Variants in RPL23 observed in about 807,000 individuals in gnomAD.
RPL23 encodes large ribosomal subunit protein uL14.
For missense variants in RPL23, 79 were observed against 178.8 expected (o/e 0.44, Z 3.18); for synonymous variants, 63 against 65.3 (o/e 0.97, Z 0.17).
chr17:38,853,413 C>T (rs1208009792), intron 1 of RPL23: 1 of 714,602 alleles, frequency 1.4e-6, no homozygotes. Flanking sequence ...GTCGCGCAAA[C>T]CAGGGCCTAA....
At chr17:38,853,491 AT>A in intron 1 of RPL23, 1 of 726,896 alleles carries the variant, frequency 1.4e-6, no homozygotes, top group South Asian at 1.5e-5. Flanking sequence ...TCCAGACTAC[AT>A]TCACGTCGGG....
At chr17:38,852,037 T>C (rs1173143805) in intron 3 of RPL23, 1 of 152,020 alleles carries the variant, frequency 6.6e-6, no homozygotes, top group African/African-American at 2.4e-5. Context: ...ACAGGAAAAA[T>C]TTTGAGTGGG....
In RPL23 at chr17:38,847,971, C is replaced by T; in HGVS notation, c.*2161G>A. ...TGTAATTGCAGCCCTTTGAAGGCCA[C>T]AGCAGGAGGATTCCAAGTCCAGCAG... On this transcript the variant is annotated 3_prime_UTR_variant, in exon 5 of 5. Transcript: ENST00000479035. 6.5e-7 allele frequency: 1 copy of T among 1,549,872 alleles called. No homozygotes were observed. The highest frequency in any genetic ancestry group is 8.7e-7 in the Non-Finnish European group (1 of 1,146,686).
chr17:38,852,746 T>C lies in RPL23; in HGVS notation c.98-14A>G, dbSNP rs777125006. 3.1e-6 allele frequency: 5 copies of C among 1,613,752 alleles called. No individual in the cohort carries two copies. In the Admixed American group the frequency reaches 5.0e-5, roughly 16 times the overall value. On this transcript the variant is annotated splice_polypyrimidine_tract_variant and intron_variant, in intron 2 of 4. Transcript: ENST00000479035. Reference sequence around the variant, plus strand: ...GGTTTTTGGCTCCTACAAAAGAATGTAAATAAAAATAAAAAATGTTGAGGG... The same window carrying C: ...GGTTTTTGGCTCCTACAAAAGAATGCAAATAAAAATAAAAAATGTTGAGGG...
chr17:38,849,329 ATCTT>A lies in RPL23; in HGVS notation c.*799_*802del, dbSNP rs1420479252. ...TGTCCAGGATCTAACTATATAGTCT[ATCTT>A]AACTTCAATGCCTTTTTTTGGGGCG... On this transcript the variant is annotated 3_prime_UTR_variant, in exon 5 of 5. Transcript: ENST00000479035. 1 of 137,262 alleles carries A rather than the reference ATCTT, an allele frequency of 7.3e-6. No homozygotes were observed. The allele number at this position is 137,262 out of a possible 1,614,324, so 8.5% of individuals were successfully genotyped here.
chr17:38,851,631 T>A (rs983653462), intron 3 of RPL23: 6 of 152,212 alleles, frequency 3.9e-5, no homozygotes, highest in Non-Finnish European at 7.3e-5. Flanking sequence ...GGGCCACCAA[T>A]CAGACCCAGG....
intron 2 of RPL23, 145 bp from the exon 3 acceptor site, chr17:38,852,877 C>T: frequency 7.3e-7 from 1 of 1,375,626 alleles, no homozygotes; most frequent in Non-Finnish European, 1.0e-6. Context: ...GTCACACCAC[C>T]GATTGAAGCA....
Position 38,850,171 on chromosome 17 carries a change from C to T in RPL23, c.384G>A (p.Leu128=), listed in dbSNP as rs1332336815. The T allele has an allele frequency of 6.2e-7, 1 of 1,607,294 alleles. No individual in the cohort carries two copies. Among genetic ancestry groups the T allele is most frequent in the African/African-American group, 1.3e-5 (1 of 74,436 alleles). ...TGPVAKECAD[L]WPRIASNAGS... Reference sequence around the variant, plus strand: ...CAGCATTGGATGCAATCCGGGGCCACAAGTCTGCACACTCCTTTGCTACTG... The same window carrying T: ...CAGCATTGGATGCAATCCGGGGCCATAAGTCTGCACACTCCTTTGCTACTG... The change falls in exon 5 of 5, where the codon TTG becomes TTA. Residue 128 remains leucine (L), a synonymous_variant. Coordinates refer to ENST00000479035, the MANE Select transcript of RPL23 (RefSeq NM_000978.4).
chr17:38,853,241 A>C, intron 1 of RPL23, 136 bp from the exon 2 acceptor site: 1 of 722,914 alleles, frequency 1.4e-6, no homozygotes, highest in Non-Finnish European at 2.4e-6. Flanking sequence ...GCTCGCTCGG[A>C]TTTTACTTAT....
chr17:38,853,443 C>T, intron 1 of RPL23: 1 of 717,354 alleles, frequency 1.4e-6, no homozygotes, highest in South Asian at 1.5e-5. Context: ...ACTTCAACCC[C>T]ATTACGATAG....
rs563774103 is a variant in RPL23 at position 38,848,297 on chromosome 17, C to T, written c.*1835G>A. 5.2e-5 allele frequency: 17 copies of T among 327,042 alleles called. No individual in the cohort carries two copies. The highest frequency in any genetic ancestry group is 2.6e-4 in the African/African-American group (12 of 46,516). The allele number at this position is 327,042 out of a possible 1,614,324, so 20.3% of individuals were successfully genotyped here. A position where few individuals can be genotyped will look rare whatever the true frequency, so the allele number is the denominator to read the frequency against. On this transcript the variant is annotated 3_prime_UTR_variant, in exon 5 of 5. Coordinates refer to ENST00000479035, the MANE Select transcript of RPL23 (RefSeq NM_000978.4). The stretch of plus-strand genomic sequence containing the variant: ...CTGGTTGCCCAGGCTGGAGCACAAT[C>T]GTGCGACCTCAGCTCACTGCAACCT...
rs1470638998 is a variant in RPL23 at position 38,848,711 on chromosome 17, T to C, written c.*1421A>G. The C allele has an allele frequency of 6.6e-6, 1 of 152,114 alleles. No homozygotes were observed. Among genetic ancestry groups the C allele is most frequent in the East Asian group, 1.9e-4 (1 of 5,134 alleles). The allele number at this position is 152,114 out of a possible 1,614,324, so 9.4% of individuals were successfully genotyped here. ...GGAAACATTTTCAAAAGCTCCAGGT[T>C]AGAACAACTCCTCTCTAGGTCTGGT... On this transcript the variant is annotated 3_prime_UTR_variant, in exon 5 of 5. Coordinates refer to ENST00000479035, the MANE Select transcript of RPL23 (RefSeq NM_000978.4).
intron 3 of RPL23, chr17:38,851,562 C>T (rs778549404): frequency 5.9e-5 from 9 of 152,254 alleles, no homozygotes; most frequent in Non-Finnish European, 1.3e-4. Context: ...AATCCACCCT[C>T]CTGCCATCTC....
At position 38,853,077 on chromosome 17, in the gene RPL23, G is replaced by A. The variant is rs921576707; in HGVS notation, c.42C>T (p.Phe14=). The A allele has an allele frequency of 6.2e-7, 1 of 1,614,144 alleles. No homozygotes were observed. The highest frequency in any genetic ancestry group is 2.2e-5 in the East Asian group (1 of 44,890). ...CTACCGGAAGACCCAAGGAAATCCG[G>A]AATTTCGCACCAGAGGACCCACCAC... ...RGRGGSSGAK[F]RISLGLPVGA... is the part of the protein sequence containing the mutation. The change falls in exon 2 of 5, where the codon TTC becomes TTT. Residue 14 remains phenylalanine, a synonymous_variant. Coordinates refer to ENST00000479035, the MANE Select transcript of RPL23 (RefSeq NM_000978.4).
At position 38,848,944 on chromosome 17, in the gene RPL23, C is replaced by T. The variant is rs1006809546; in HGVS notation, c.*1188G>A. On this transcript the variant is annotated 3_prime_UTR_variant, in exon 5 of 5. Coordinates refer to ENST00000479035, the MANE Select transcript of RPL23 (RefSeq NM_000978.4). ...TAAACAAACACCCATTTTTCCAAAA[C>T]GCTGGGTGTCACCTAAATAAACTCT... 2.0e-5 allele frequency: 3 copies of T among 152,140 alleles called. No individual in the cohort carries two copies. The highest frequency in any genetic ancestry group is 4.4e-5 in the Non-Finnish European group (3 of 68,020). 9.4% of individuals were successfully genotyped at this position (152,140 alleles called of 1,614,324 possible).
rs1308717737 is a variant in RPL23 at position 38,849,295 on chromosome 17, C to G, written c.*837G>C. 6.7e-6 allele frequency: 1 copy of G among 149,960 alleles called. No homozygotes were observed. Among genetic ancestry groups the G allele is most frequent in the East Asian group, 2.0e-4 (1 of 5,094 alleles). 9.3% of individuals were successfully genotyped at this position (149,960 alleles called of 1,614,324 possible). ...ACAAACTCACATCATTCCTCAAAATCCATGTGTGTGTCCAGGATCTAACTA... is the reference window on the plus strand; with the variant it reads ...ACAAACTCACATCATTCCTCAAAATGCATGTGTGTGTCCAGGATCTAACTA... On this transcript the variant is annotated 3_prime_UTR_variant, in exon 5 of 5. Transcript: ENST00000479035.
Position 38,848,078 on chromosome 17 carries a change from T to C in RPL23, c.*2054A>G, listed in dbSNP as rs1912906944. ...CAAGACTGCCTCAGAAAAGATAACA[T>C]TCAAAAACAGCAGCGATTAGTGGTT... On this transcript the variant is annotated 3_prime_UTR_variant, in exon 5 of 5. Coordinates refer to ENST00000479035, the MANE Select transcript of RPL23 (RefSeq NM_000978.4). 3.3e-6 allele frequency: 5 copies of C among 1,530,134 alleles called. No homozygotes were observed. The highest frequency in any genetic ancestry group is 1.4e-5 in the African/African-American group (1 of 72,100). 94.8% of individuals were successfully genotyped at this position (1,530,134 alleles called of 1,614,324 possible).
chr17:38,853,565 G>T, intron 1 of RPL23, 133 bp downstream of exon 1: 1 of 1,093,858 alleles, frequency 9.1e-7, no homozygotes, highest in Non-Finnish European at 1.4e-6. Context: ...CAGTGCTCTC[G>T]CGGTGGCCTG....
chr17:38,852,260 G>A (rs752938170), intron 3 of RPL23: 44 of 200,098 alleles, frequency 2.2e-4, no homozygotes, highest in South Asian at 2.7e-4. Context: ...GCTTGTTTTC[G>A]TTTTGTAATA....
Sources: gnomAD v4.1 joint callset for allele counts on GRCh38, gnomAD v4.1.1 for gene constraint, MANE v1.5 for transcripts, NCBI Gene and HGNC (gene_info 2026-07-23, HGNC 2026-07-21) for gene names.